Variants in ADAMTS12 observed in about 807,000 individuals in gnomAD.
ADAMTS12 encodes A disintegrin and metalloproteinase with thrombospondin motifs 12.
ADAMTS12 carries 118 observed loss-of-function variants against 167.8 expected under a neutral mutation model. The ratio of observed to expected loss-of-function variants is 0.70; its 90% confidence interval spans 0.61 to 0.82. ADAMTS12 has a LOEUF of 0.82. Ranked by LOEUF, ADAMTS12 falls within the 40% of genes least tolerant of loss-of-function variation. ADAMTS12 has a pLI of 0.00. For missense variants in ADAMTS12, 1,916 were observed against 1,998.8 expected (o/e 0.96, Z 0.79); for synonymous variants, 704 against 716.9 (o/e 0.98, Z 0.29).
At chr5:33,889,996 T>C (rs571813782) in intron 1 of ADAMTS12, among the ~76,000 whole-genome samples, 1 of 152,232 alleles carries the variant, frequency 6.6e-6, no homozygotes, top group South Asian at 2.1e-4. Flanking sequence ...AATAAATATA[T>C]ATATCACCAA....
Position 33,577,927 on chromosome 5 carries a change from G to T in ADAMTS12, c.2866-767C>A, listed in dbSNP as rs149243530. ...CCAAGCAGCTAGACTGCCTTTGGGG[G>T]AATCCTAACAGAACAGGCCTTCCTC... On this transcript the variant is annotated intron_variant, in intron 18 of 23. Coordinates refer to ENST00000504830, the MANE Select transcript of ADAMTS12 (RefSeq NM_030955.4). 5.6e-3 allele frequency among the ~76,000 whole-genome samples: 852 copies of T among 152,284 alleles called. 4 individuals are homozygous for T. The highest frequency in any genetic ancestry group is 8.0e-3 in the Non-Finnish European group (546 of 68,008).
At chr5:33,687,588 A>C (rs1742381531) in intron 3 of ADAMTS12, among the ~76,000 whole-genome samples, 1 of 152,260 alleles carries the variant, frequency 6.6e-6, no homozygotes, top group African/African-American at 2.4e-5. Flanking sequence ...ACATGAACAT[A>C]AGAAAAATTG....
chr5:33,589,404 A>T (rs1041814508), intron 17 of ADAMTS12, among the ~76,000 whole-genome samples: 1 of 152,202 alleles, frequency 6.6e-6, no homozygotes, highest in Admixed American at 6.5e-5. Flanking sequence ...TCAATCAGGG[A>T]TATTGCCTTT....
At chr5:33,773,153 T>A (rs1745805899) in intron 2 of ADAMTS12, among the ~76,000 whole-genome samples, 1 of 152,212 alleles carries the variant, frequency 6.6e-6, no homozygotes. Flanking sequence ...TTCCAAGAAG[T>A]GCAACTGCTG....
At position 33,630,432 on chromosome 5, in the gene ADAMTS12, T is replaced by C. The variant is rs117833554; in HGVS notation, c.2022+348A>G. ...TGAAAATGCATTATGAAAAGTACCA[T>C]AGAAACTATTATTAATTTCAGTTTT... is the stretch of plus-strand genomic sequence containing the variant. On this transcript the variant is annotated intron_variant, in intron 13 of 23. Coordinates refer to ENST00000504830, the MANE Select transcript of ADAMTS12 (RefSeq NM_030955.4). Among the ~76,000 whole-genome samples the C allele has an allele frequency of 1.5e-4, 23 of 152,340 alleles. No individual in the cohort carries two copies. In the East Asian group the frequency reaches 4.0e-3, roughly 27 times the overall value.
At chr5:33,537,437 G>A (rs1271445220) in intron 22 of ADAMTS12, among the ~76,000 whole-genome samples, 2 of 152,188 alleles carry the variant, frequency 1.3e-5, no homozygotes, top group African/African-American at 4.8e-5. Flanking sequence ...GTGGCCTTGG[G>A]CATGTGAGAC....
At chr5:33,786,560 A>G (rs1746333406) in intron 2 of ADAMTS12, among the ~76,000 whole-genome samples, 1 of 152,060 alleles carries the variant, frequency 6.6e-6, no homozygotes, top group Non-Finnish European at 1.5e-5. Context: ...GTACTTTGCA[A>G]ATGTTCCCCA....
intron 2 of ADAMTS12, among the ~76,000 whole-genome samples, chr5:33,764,261 C>G (rs1398052726): frequency 2.6e-5 from 4 of 152,182 alleles, no homozygotes; most frequent in Non-Finnish European, 5.9e-5. Flanking sequence ...GATGAAAAAT[C>G]TGAGTCCTTA....
intron 22 of ADAMTS12, among the ~76,000 whole-genome samples, chr5:33,544,741 G>A (rs1215136306): frequency 3.3e-5 from 5 of 152,082 alleles, no homozygotes; most frequent in East Asian, 1.9e-4. Flanking sequence ...TGACAAACCC[G>A]ACAAAAACAA....
Position 33,626,044 on chromosome 5 carries a change from A to G in ADAMTS12, c.2023-1693T>C, listed in dbSNP as rs188560073. Among the ~76,000 whole-genome samples the G allele has an allele frequency of 4.2e-3, 639 of 152,350 alleles. 4 individuals are homozygous for G. Among genetic ancestry groups the G allele is most frequent in the Middle Eastern group, 0.017 (5 of 294 alleles). On this transcript the variant is annotated intron_variant, in intron 13 of 23. Coordinates refer to ENST00000504830, the MANE Select transcript of ADAMTS12 (RefSeq NM_030955.4). ...ACCCTATGTGGAAAATGACTTCAGC[A>G]TGGCCCTTTTCTGATGTGACTCTGA...
chr5:33,578,371 G>C (rs1297890512), intron 18 of ADAMTS12, among the ~76,000 whole-genome samples: 5 of 152,218 alleles, frequency 3.3e-5, no homozygotes, highest in African/African-American at 1.2e-4. Flanking sequence ...AAGGCGGCAA[G>C]TCAGTCATAG....
chr5:33,650,786 A>G (rs1740841026), intron 7 of ADAMTS12, among the ~76,000 whole-genome samples: 1 of 152,212 alleles, frequency 6.6e-6, no homozygotes, highest in African/African-American at 2.4e-5. Context: ...AGATTCCCAG[A>G]ACTCTCTCCA....
chr5:33,847,719 A>C (rs1749001683), intron 2 of ADAMTS12, among the ~76,000 whole-genome samples: 1 of 152,218 alleles, frequency 6.6e-6, no homozygotes, highest in African/African-American at 2.4e-5. Flanking sequence ...GGATTACTTA[A>C]CTGCCAAGGA....
At chr5:33,723,585 G>T (rs1743876547) in intron 3 of ADAMTS12, among the ~76,000 whole-genome samples, 1 of 152,140 alleles carries the variant, frequency 6.6e-6, no homozygotes, top group African/African-American at 2.4e-5. Context: ...GTTACAACCT[G>T]GGTGGGATTG....
At chr5:33,631,851 G>C (rs1471802148) in intron 12 of ADAMTS12, among the ~76,000 whole-genome samples, 1 of 152,150 alleles carries the variant, frequency 6.6e-6, no homozygotes, top group Non-Finnish European at 1.5e-5. Context: ...ATTATGGGCA[G>C]GGCTGTTAGT....
intron 3 of ADAMTS12, among the ~76,000 whole-genome samples, chr5:33,701,143 G>A (rs1458646461): frequency 6.7e-6 from 1 of 149,914 alleles, no homozygotes; most frequent in East Asian, 2.0e-4. Flanking sequence ...ATAGATGTGT[G>A]CATAAATAAA....
intron 2 of ADAMTS12, among the ~76,000 whole-genome samples, chr5:33,756,852 G>A (rs952270966): frequency 5.9e-5 from 9 of 152,180 alleles, no homozygotes; most frequent in African/African-American, 2.2e-4. Context: ...CTAAAACAGT[G>A]CTGTCCAACA....
intron 2 of ADAMTS12, among the ~76,000 whole-genome samples, chr5:33,804,567 C>T (rs1023195894): frequency 6.6e-5 from 10 of 152,188 alleles, no homozygotes; most frequent in African/African-American, 2.4e-4. Context: ...AGTGGCATTC[C>T]CCAACACGTG....
At chr5:33,862,059 G>A (rs1347650518) in intron 2 of ADAMTS12, among the ~76,000 whole-genome samples, 1 of 152,100 alleles carries the variant, frequency 6.6e-6, no homozygotes, top group Non-Finnish European at 1.5e-5. Flanking sequence ...AGCACTAAAT[G>A]TTCACAGAAA....
Sources: allele counts gnomAD v4.1 joint callset (sites outside exome capture counted in the v4.1 genomes callset), GRCh38; gene constraint gnomAD v4.1.1; transcripts MANE v1.5; gene names NCBI Gene and HGNC (gene_info 2026-07-23, HGNC 2026-07-21).